The following FABP12 variants were observed in gnomAD, a reference collection of about 807,000 sequenced individuals.
The protein encoded by FABP12 is fatty acid-binding protein 12.
A neutral mutation model predicts 13.7 loss-of-function variants in FABP12; 19 were observed. The observed-to-expected ratio is 1.39, with a 90% CI of 0.97 to 2.04. The LOEUF is 2.04. Among genes scored for constraint, FABP12 ranks in the 30% most tolerant of loss-of-function variants. FABP12 has a pLI of 0.00. For missense variants in FABP12, 182 were observed against 164.2 expected, an observed-to-expected ratio of 1.11 and a Z score of -0.59; for synonymous variants, 61 against 57.0, an observed-to-expected ratio of 1.07 and a Z score of -0.32.
chr8:81,565,685 AG>A (rs1264277788), intron 1 of FABP12, among the ~76,000 whole-genome samples: 1 of 152,070 alleles, frequency 6.6e-6, no homozygotes, highest in African/African-American at 2.4e-5. Context: ...CATTACTAAG[AG>A]GAAAGTTTAT....
chr8:81,556,697 T>A (rs1422808763), intron 1 of FABP12, among the ~76,000 whole-genome samples: 1 of 148,860 alleles, frequency 6.7e-6, no homozygotes, highest in Non-Finnish European at 1.5e-5. Context: ...ATCACACATA[T>A]GTGGCTATCA....
intron 3 of FABP12, among the ~76,000 whole-genome samples, chr8:81,528,295 T>C (rs576475745): frequency 2.0e-5 from 3 of 152,034 alleles, no homozygotes; most frequent in African/African-American, 7.2e-5. Context: ...TTCAGGCTGG[T>C]CGTAGACTCC....
chr8:81,584,970 C>A (rs759819860), intron 1 of FABP12, among the ~76,000 whole-genome samples: 1 of 152,058 alleles, frequency 6.6e-6, no homozygotes, highest in African/African-American at 2.4e-5. Context: ...CTAGTCAGAT[C>A]TTTTGGTTAT....
At chr8:81,554,287 A>T (rs1422713561) in intron 1 of FABP12, among the ~76,000 whole-genome samples, 1 of 152,136 alleles carries the variant, frequency 6.6e-6, no homozygotes, top group Non-Finnish European at 1.5e-5. Context: ...GCCACATTGG[A>T]AGGCCTACTA....
At chr8:81,555,018 G>T (rs559276369) in intron 1 of FABP12, among the ~76,000 whole-genome samples, 1 of 152,090 alleles carries the variant, frequency 6.6e-6, no homozygotes, top group East Asian at 1.9e-4. Context: ...ACACTTTCAT[G>T]TTTTCTTGCT....
At chr8:81,553,925 T>C (rs376850170) in intron 1 of FABP12, among the ~76,000 whole-genome samples, 4 of 152,196 alleles carry the variant, frequency 2.6e-5, no homozygotes, top group Admixed American at 6.5e-5. Flanking sequence ...CTTTCACTCA[T>C]GTAACCTTGG....
intron 1 of FABP12, among the ~76,000 whole-genome samples, chr8:81,558,717 C>T (rs1460588521): frequency 6.6e-6 from 1 of 151,870 alleles, no homozygotes; most frequent in Admixed American, 6.6e-5. Flanking sequence ...TAGTGAAACC[C>T]CGTCTCTACT....
chr8:81,568,301 T>A (rs1250055354), intron 1 of FABP12, among the ~76,000 whole-genome samples: 1 of 151,948 alleles, frequency 6.6e-6, no homozygotes, highest in East Asian at 1.9e-4. Flanking sequence ...ATAATCTGAT[T>A]TAAAAATGGG....
At chr8:81,530,349 A>G (rs976051967) in intron 2 of FABP12, among the ~76,000 whole-genome samples, 2 of 152,212 alleles carry the variant, frequency 1.3e-5, no homozygotes, top group African/African-American at 4.8e-5. Context: ...CAGTGTGTAT[A>G]GACCAAAATT....
rs1345560907 is a variant in FABP12, at chr8:81,531,225, C to A, written c.73+18G>T. The stretch of plus-strand genomic sequence containing the variant: ...GCCCATTTTTACTGGATATGATATG[C>A]AAGTAAACATAGCTCACCCAGCTCC... On this transcript the variant is annotated intron_variant, in intron 2 of 4. Coordinates refer to ENST00000360464, the Ensembl canonical transcript of FABP12. 6.3e-7 allele frequency: 1 copy of A among 1,580,198 alleles called. No individual in the cohort carries two copies. Among genetic ancestry groups the A allele is most frequent in the South Asian group, 1.1e-5 (1 of 87,904 alleles).
At chr8:81,534,098 TACATACACACACTCTCTCTCTCACAC>T (rs1299304342), upstream of FABP12, among the ~76,000 whole-genome samples, 1 of 151,890 alleles carries the variant, frequency 6.6e-6, no homozygotes, top group Non-Finnish European at 1.5e-5. Flanking sequence ...CCCACACACA[TACATACACACACTCTCTCTCTCACAC>T]ACATACACAC....
At chr8:81,542,965 A>G (rs1244514998) in intron 1 of FABP12, among the ~76,000 whole-genome samples, 1 of 152,200 alleles carries the variant, frequency 6.6e-6, no homozygotes, top group Admixed American at 6.5e-5. Context: ...CTGCTGTGGA[A>G]AAGGCAACCT....
At chr8:81,570,612 C>T (rs572608088) in intron 1 of FABP12, among the ~76,000 whole-genome samples, 1 of 151,962 alleles carries the variant, frequency 6.6e-6, no homozygotes, top group Non-Finnish European at 1.5e-5. Flanking sequence ...CTGGTTGTCC[C>T]GTTGTCTCCA....
chr8:81,558,322 A>G (rs1809656072), intron 1 of FABP12, among the ~76,000 whole-genome samples: 1 of 152,178 alleles, frequency 6.6e-6, no homozygotes, highest in South Asian at 2.1e-4. Flanking sequence ...AATTAGAGTA[A>G]GAATTCTGTT....
At chr8:81,582,934 G>A (rs556811544) in intron 1 of FABP12, among the ~76,000 whole-genome samples, 1 of 152,240 alleles carries the variant, frequency 6.6e-6, no homozygotes, top group South Asian at 2.1e-4. Context: ...AGATTCTCCA[G>A]GATAGACCAC....
intron 1 of FABP12, among the ~76,000 whole-genome samples, chr8:81,549,089 T>C (rs1303215967): frequency 2.0e-5 from 3 of 152,140 alleles, no homozygotes; most frequent in Non-Finnish European, 4.4e-5. Flanking sequence ...AAACTGCCTG[T>C]AGGACTCAGA....
intron 1 of FABP12, among the ~76,000 whole-genome samples, chr8:81,575,952 A>G (rs1257324814): frequency 6.6e-6 from 1 of 152,194 alleles, no homozygotes; most frequent in Non-Finnish European, 1.5e-5. Flanking sequence ...TCTTCCACGA[A>G]ATTGGTTTCT....
chr8:81,546,671 A>G (rs765724497), intron 1 of FABP12, among the ~76,000 whole-genome samples: 20 of 152,178 alleles, frequency 1.3e-4, no homozygotes, highest in Non-Finnish European at 2.6e-4. Context: ...AAAATGAAAT[A>G]AAATAAAATA....
chr8:81,534,640 G>C (rs142958222), upstream of FABP12, among the ~76,000 whole-genome samples: 11 of 152,248 alleles, frequency 7.2e-5, no homozygotes, highest in African/African-American at 2.2e-4. Flanking sequence ...ATAAAGAGTA[G>C]GAGTTAACAT....
Sources: allele counts gnomAD v4.1 joint callset (sites outside exome capture counted in the v4.1 genomes callset), GRCh38; gene constraint gnomAD v4.1.1; transcripts MANE v1.5; gene names NCBI Gene and HGNC (gene_info 2026-07-23, HGNC 2026-07-21).